Variants in SDCCAG8 observed in about 807,000 individuals in gnomAD.
SDCCAG8 encodes the protein serologically defined colon cancer antigen 8.
Under a neutral mutation model 101.8 loss-of-function variants are expected in SDCCAG8, and 74 were observed. The ratio of observed to expected loss-of-function variants is 0.73; its 90% confidence interval spans 0.60 to 0.88. The LOEUF (loss-of-function observed/expected upper bound fraction) is 0.88, where lower values mean the gene tolerates loss of function less well. SDCCAG8 is among the 40% of genes least tolerant of loss of function. The pLI is 0.00. For synonymous variants in SDCCAG8, 281 were observed against 292.9 expected (o/e 0.96, Z 0.41); for missense variants, 787 against 822.6 (o/e 0.96, Z 0.53).
chr1:243,356,841 T>C (rs960367720), intron 12 of SDCCAG8, among the ~76,000 whole-genome samples: 1 of 150,330 alleles, frequency 6.7e-6, no homozygotes, highest in Non-Finnish European at 1.5e-5. Flanking sequence ...AAAAAAAAAA[T>C]CAAAAAATTA....
In SDCCAG8 at chr1:243,266,852, A is replaced by T. The variant is rs1285692182; in HGVS notation, c.68-3253A>T. ...CAGCCACTCAGGAGGCTGAGGAAGG[A>T]GAACCATCTGAACCCTGGAGGCAGA... On this transcript the variant is annotated intron_variant, in intron 1 of 17. Transcript: ENST00000366541. 3.3e-5 allele frequency among the ~76,000 whole-genome samples: 5 copies of T among 149,536 alleles called. No individual in the cohort carries two copies. The East Asian group carries it at 1.0e-3, about 30-fold the overall frequency.
chr1:243,462,045 A>G (rs1406272713), intron 16 of SDCCAG8, among the ~76,000 whole-genome samples: 3 of 152,182 alleles, frequency 2.0e-5, no homozygotes, highest in African/African-American at 7.2e-5. Flanking sequence ...ATCTTATCCC[A>G]TTGGTTCTTT....
intron 8 of SDCCAG8, 26 bp downstream of exon 8, chr1:243,308,203 G>A: frequency 6.2e-7 from 1 of 1,612,982 alleles, no homozygotes; most frequent in Non-Finnish European, 8.5e-7. Flanking sequence ...CGCGCACGGA[G>A]ACTTTGGCAA....
chr1:243,329,324 G>A (rs1453068363), intron 9 of SDCCAG8, among the ~76,000 whole-genome samples: 1 of 152,094 alleles, frequency 6.6e-6, no homozygotes, highest in African/African-American at 2.4e-5. Flanking sequence ...AAACTTTTCA[G>A]AAGAGACCAA....
At chr1:243,340,965 A>G (rs1270464592) in intron 10 of SDCCAG8, 74 bp from the exon 11 acceptor site, 7 of 1,463,806 alleles carry the variant, frequency 4.8e-6, no homozygotes, top group Non-Finnish European at 6.7e-6. Flanking sequence ...CTGAGACGCT[A>G]TTAATTCAAG....
At chr1:243,492,764 C>T (rs1395985632) in intron 17 of SDCCAG8, among the ~76,000 whole-genome samples, 8 of 151,772 alleles carry the variant, frequency 5.3e-5, no homozygotes, top group East Asian at 3.9e-4. Context: ...CCTGCCACCA[C>T]GCCTGGCTAA....
At chr1:243,302,438 G>A (rs1032798197) in intron 6 of SDCCAG8, among the ~76,000 whole-genome samples, 11 of 152,074 alleles carry the variant, frequency 7.2e-5, no homozygotes, top group Non-Finnish European at 1.0e-4. Context: ...CTACTGTTTC[G>A]TGCAAATGTA....
chr1:243,450,570 CCTG>C (rs2083274050), intron 16 of SDCCAG8, among the ~76,000 whole-genome samples: 1 of 152,138 alleles, frequency 6.6e-6, no homozygotes, highest in Non-Finnish European at 1.5e-5. Context: ...GTTGCTAGCC[CCTG>C]TTTTAGTAGA....
chr1:243,288,204 C>A (rs2069825093), intron 5 of SDCCAG8, among the ~76,000 whole-genome samples: 1 of 152,108 alleles, frequency 6.6e-6, no homozygotes, highest in Non-Finnish European at 1.5e-5. Flanking sequence ...GTGTCTTACG[C>A]ATGTAATTTC....
At chr1:243,488,651 G>A (rs1248201490) in intron 16 of SDCCAG8, among the ~76,000 whole-genome samples, 1 of 152,182 alleles carries the variant, frequency 6.6e-6, no homozygotes, top group Non-Finnish European at 1.5e-5. Flanking sequence ...CGGGGCGGCC[G>A]TCTGCTCAGC....
intron 14 of SDCCAG8, among the ~76,000 whole-genome samples, chr1:243,417,384 A>G (rs2080664958): frequency 6.6e-6 from 1 of 152,204 alleles, no homozygotes. Context: ...CACTGTTTTC[A>G]ATTTCTTTGA....
At chr1:243,437,605 C>T (rs1195607022) in intron 16 of SDCCAG8, among the ~76,000 whole-genome samples, 2 of 149,798 alleles carry the variant, frequency 1.3e-5, no homozygotes, top group Non-Finnish European at 3.0e-5. Flanking sequence ...GGTGCCATCT[C>T]GGCTGACTGC....
intron 6 of SDCCAG8, among the ~76,000 whole-genome samples, chr1:243,298,350 C>CTTTTTTTTT (rs35061154): frequency 2.0e-5 from 1 of 51,080 alleles, no homozygotes; most frequent in Non-Finnish European, 3.4e-5. Flanking sequence ...CGCACCCTGC[C>CTTTTTTTTT]TTTTTTTTTT....
chr1:243,409,709 G>A (rs1297943091), intron 13 of SDCCAG8, among the ~76,000 whole-genome samples: 1 of 152,030 alleles, frequency 6.6e-6, no homozygotes, highest in African/African-American at 2.4e-5. Flanking sequence ...AGGATAAATT[G>A]AGCATAAAAA....
At chr1:243,427,198 T>C (rs2081396889) in intron 16 of SDCCAG8, among the ~76,000 whole-genome samples, 1 of 152,242 alleles carries the variant, frequency 6.6e-6, no homozygotes, top group African/African-American at 2.4e-5. Flanking sequence ...TATTCTCTTT[T>C]TCTAGATGAA....
At chr1:243,257,554 G>A (rs1368832210) in intron 1 of SDCCAG8, among the ~76,000 whole-genome samples, 2 of 152,120 alleles carry the variant, frequency 1.3e-5, no homozygotes, top group African/African-American at 4.8e-5. Context: ...CTCATTAAAT[G>A]TTAATTGTTA....
chr1:243,350,036 C>T (rs2147812730), intron 12 of SDCCAG8, among the ~76,000 whole-genome samples: 1 of 152,266 alleles, frequency 6.6e-6, no homozygotes, highest in Non-Finnish European at 1.5e-5. Context: ...CTCATATCTA[C>T]AGCAGTGATT....
rs2068373422 is a variant in SDCCAG8, at chr1:243,274,597, A to G, written c.361A>G (p.Thr121Ala). 12 of 1,611,994 alleles carry G rather than the reference A, an allele frequency of 7.4e-6. No homozygotes were observed. The highest frequency in any genetic ancestry group is 1.0e-5 in the Non-Finnish European group (12 of 1,178,482). ...NMPTMHDLVH[T>A]INDQSQYIHH... ...GCCTACTATGCACGACCTTGTTCAT[A>G]CTATTAATGACCAGTCTCAATATAT... Residue 121 changes from threonine to alanine, a missense_variant, in exon 4 of 18, where the codon ACT (threonine) becomes GCT (alanine). Thr to Ala is a moderately conservative substitution (Grantham distance 58). Coordinates refer to ENST00000366541, the MANE Select transcript of SDCCAG8 (RefSeq NM_006642.5).
intron 13 of SDCCAG8, among the ~76,000 whole-genome samples, chr1:243,395,307 A>G (rs1354189327): frequency 2.6e-5 from 4 of 152,218 alleles, no homozygotes; most frequent in Non-Finnish European, 5.9e-5. Context: ...GAAGTGATCA[A>G]ATTACCAGGA....
Sources: gnomAD v4.1 joint callset for allele counts (sites outside exome capture counted in the v4.1 genomes callset) on GRCh38, gnomAD v4.1.1 for gene constraint, MANE v1.5 for transcripts, NCBI Gene and HGNC (gene_info 2026-07-23, HGNC 2026-07-21) for gene names.